Variants in FTO observed in about 807,000 individuals in gnomAD.
FTO encodes FTO alpha-ketoglutarate dependent dioxygenase.
A neutral mutation model predicts 63.9 loss-of-function variants in FTO; 47 were observed. The observed-to-expected ratio is 0.74, with a 90% CI of 0.58 to 0.94. The LOEUF (loss-of-function observed/expected upper bound fraction) is 0.94. Among genes scored for constraint, FTO ranks in the 40% least tolerant of loss-of-function variants. The probability of loss-of-function intolerance (pLI) is 0.00; values close to 1 mark genes in which losing one functional copy is unlikely to be tolerated. For missense variants in FTO, 562 were observed against 618.1 expected, an observed-to-expected ratio of 0.91 and a Z score of 0.96; for synonymous variants, 207 against 224.4, an observed-to-expected ratio of 0.92 and a Z score of 0.69.
At chr16:53,985,459 C>G (rs570756559) in intron 8 of FTO, among the ~76,000 whole-genome samples, 1 of 152,202 alleles carries the variant, frequency 6.6e-6, no homozygotes, top group South Asian at 2.1e-4. Context: ...TGTAGGATGA[C>G]CAGACATGAG....
At chr16:54,009,881 C>G (rs951354919) in intron 8 of FTO, among the ~76,000 whole-genome samples, 41 of 152,292 alleles carry the variant, frequency 2.7e-4, no homozygotes, top group Middle Eastern at 3.4e-3. Context: ...CAACCTGACC[C>G]CCCTTCAGAG....
intron 8 of FTO, among the ~76,000 whole-genome samples, chr16:53,967,305 G>A (rs746388176): frequency 2.0e-5 from 3 of 151,950 alleles, no homozygotes; most frequent in Non-Finnish European, 4.4e-5. Context: ...TGTGAGTGAA[G>A]GGCCAGCGTT....
chr16:53,762,744 T>G (rs1466836668), intron 1 of FTO, among the ~76,000 whole-genome samples: 1 of 152,196 alleles, frequency 6.6e-6, no homozygotes, highest in Non-Finnish European at 1.5e-5. Context: ...GGTGATATTT[T>G]GTTGTTTGCA....
At chr16:54,017,431 G>A (rs576841888) in intron 8 of FTO, among the ~76,000 whole-genome samples, 1 of 150,656 alleles carries the variant, frequency 6.6e-6, no homozygotes, top group African/African-American at 2.4e-5. Flanking sequence ...GCCATTGTTG[G>A]CTTACATTAG....
chr16:54,092,964 A>G (rs1293740931), intron 8 of FTO, among the ~76,000 whole-genome samples: 2 of 152,204 alleles, frequency 1.3e-5, no homozygotes, highest in African/African-American at 2.4e-5. Context: ...GGCTTAAACT[A>G]TTATCCTCCT....
At chr16:53,747,552 G>A (rs4784322) in intron 1 of FTO, among the ~76,000 whole-genome samples, 45,437 of 151,792 alleles carry the variant, frequency 0.3, 8,194 homozygotes, top group African/African-American at 0.51. Flanking sequence ...TTAATGTAGA[G>A]GTATTTGAGT....
intron 7 of FTO, among the ~76,000 whole-genome samples, chr16:53,915,150 G>T (rs1453830023): frequency 1.1e-4 from 16 of 152,110 alleles, no homozygotes; most frequent in Non-Finnish European, 4.4e-5. Flanking sequence ...GGACCATTTT[G>T]TTCCTTTGAC....
chr16:53,815,693 G>T (rs36116263), intron 2 of FTO, among the ~76,000 whole-genome samples: 1 of 127,226 alleles, frequency 7.9e-6, no homozygotes. Flanking sequence ...CTGTCACCCA[G>T]ACTGGAATGT....
At position 53,985,837 on chromosome 16, in the gene FTO, A is replaced by G. The variant is rs115662052; in HGVS notation, c.1364+51728A>G. On this transcript the variant is annotated intron_variant, in intron 8 of 8. Transcript: ENST00000471389. Reference sequence around the variant, plus strand: ...TAAAGTCAGATATGTTGGGGGTATAACTGGAAGCTAATTTTTAAAAGAATC... The same window carrying G: ...TAAAGTCAGATATGTTGGGGGTATAGCTGGAAGCTAATTTTTAAAAGAATC... Among the ~76,000 whole-genome samples, 1,389 of 152,326 alleles carry G rather than the reference A, an allele frequency of 9.1e-3. 20 individuals are homozygous for G. Among genetic ancestry groups the G allele is most frequent in the African/African-American group, 0.031 (1,270 of 41,576 alleles).
intron 8 of FTO, among the ~76,000 whole-genome samples, chr16:53,980,688 G>C (rs1382865062): frequency 2.6e-5 from 4 of 152,190 alleles, no homozygotes; most frequent in Non-Finnish European, 5.9e-5. Context: ...CTGGGAGTAT[G>C]ATCTGTTAGG....
chr16:53,707,887 A>C (rs1256730592), intron 1 of FTO, among the ~76,000 whole-genome samples: 1 of 152,152 alleles, frequency 6.6e-6, no homozygotes, highest in African/African-American at 2.4e-5. Flanking sequence ...TCTCAATTCT[A>C]CTTCCTCCCT....
chr16:53,961,434 C>T (rs376015376), intron 8 of FTO, among the ~76,000 whole-genome samples: 78 of 152,220 alleles, frequency 5.1e-4, no homozygotes, highest in African/African-American at 1.8e-3. Context: ...TGCTGTTGCA[C>T]CTGAAGTTTT....
chr16:53,815,055 G>A (rs975689203), intron 2 of FTO, among the ~76,000 whole-genome samples: 4 of 150,250 alleles, frequency 2.7e-5, no homozygotes, highest in African/African-American at 9.9e-5. Context: ...AGCAGAGGGA[G>A]ACAGCTGGTG....
intron 4 of FTO, among the ~76,000 whole-genome samples, chr16:53,867,931 A>G (rs1312555663): frequency 6.6e-6 from 1 of 152,020 alleles, no homozygotes; most frequent in African/African-American, 2.4e-5. Context: ...CTTTATCATT[A>G]TGTACTACCC....
At chr16:53,835,434 C>T (rs901609283) in intron 3 of FTO, among the ~76,000 whole-genome samples, 2 of 152,162 alleles carry the variant, frequency 1.3e-5, no homozygotes, top group African/African-American at 4.8e-5. Context: ...TGTCTTCAAT[C>T]ATCTTTATTC....
chr16:53,823,201 C>T (rs74018601), intron 2 of FTO, among the ~76,000 whole-genome samples: 10,631 of 152,224 alleles, frequency 0.07, 599 homozygotes, highest in East Asian at 0.3. Context: ...GATCATCTGT[C>T]TTCATCTCAC....
intron 1 of FTO, among the ~76,000 whole-genome samples, chr16:53,807,126 T>A (rs547534640): frequency 6.6e-6 from 1 of 152,238 alleles, no homozygotes; most frequent in Non-Finnish European, 1.5e-5. Context: ...AATATTGTTA[T>A]TTAATACTTG....
intron 3 of FTO, among the ~76,000 whole-genome samples, chr16:53,841,411 T>A (rs978454902): frequency 1.3e-5 from 2 of 152,172 alleles, no homozygotes; most frequent in Non-Finnish European, 2.9e-5. Flanking sequence ...AGAAAACATG[T>A]ATTAGAATGG....
chr16:53,902,235 G>T (rs1181448262), intron 7 of FTO, among the ~76,000 whole-genome samples: 1 of 152,084 alleles, frequency 6.6e-6, no homozygotes, highest in African/African-American at 2.4e-5. Context: ...AAACTGCTAG[G>T]CTCTGACAAG....
Sources: allele counts gnomAD v4.1 joint callset (sites outside exome capture counted in the v4.1 genomes callset), GRCh38; gene constraint gnomAD v4.1.1; transcripts MANE v1.5; gene names NCBI Gene and HGNC (gene_info 2026-07-23, HGNC 2026-07-21).